MAP4K4: variants seen among roughly 807,000 people sequenced by gnomAD.
MAP4K4 encodes the protein HPK/GCK-like kinase HGK.
Under a neutral mutation model 189.6 loss-of-function variants are expected in MAP4K4, and 38 were observed. The observed-to-expected ratio is 0.20, with a 90% CI of 0.15 to 0.26. MAP4K4 has a LOEUF of 0.26. MAP4K4 is among the 10% of genes least tolerant of loss of function. The pLI, the probability that MAP4K4 is intolerant of heterozygous loss-of-function variation, is 1.00. For missense variants in MAP4K4, 1,054 were observed against 1,726.9 expected, an observed-to-expected ratio of 0.61 and a Z score of 6.91; for synonymous variants, 610 against 624.3, an observed-to-expected ratio of 0.98 and a Z score of 0.34.
intron 2 of MAP4K4, among the ~76,000 whole-genome samples, chr2:101,745,438 TAA>T (rs10678749): frequency 2.2e-4 from 20 of 91,662 alleles, no homozygotes; most frequent in Admixed American, 2.4e-4. Flanking sequence ...TGCCCCCAGG[TAA>T]AAAAAAAAAA....
At chr2:101,859,782 C>T (rs1293177076) in exon 15 of MAP4K4, 1 of 1,610,760 alleles carries the variant, frequency 6.2e-7, no homozygotes, top group East Asian at 2.2e-5. Context: ...CAGCCGCCAC[C>T]ACCGCAGCAG....
intron 2 of MAP4K4, among the ~76,000 whole-genome samples, chr2:101,785,687 T>TTTTCCTTTTTTGAGTTGGAGTCTTG (rs1558913270): frequency 0.13 from 264 of 1,996 alleles, 4 homozygotes; most frequent in South Asian, 0.34. Flanking sequence ...CCTCTCTCTC[T>TTTTCCTTTTTTGAGTTGGAGTCTTG]CTCTCTCTCT....
chr2:101,826,645 T>A (rs868323225), intron 5 of MAP4K4, among the ~76,000 whole-genome samples: 3 of 152,176 alleles, frequency 2.0e-5, no homozygotes, highest in Non-Finnish European at 4.4e-5. Flanking sequence ...AGAACATTGG[T>A]TGAGTGGTTG....
At chr2:101,781,773 G>A (rs970926012) in intron 2 of MAP4K4, among the ~76,000 whole-genome samples, 1 of 152,092 alleles carries the variant, frequency 6.6e-6, no homozygotes, top group Admixed American at 6.6e-5. Context: ...TCTCATGACC[G>A]GATTTCTTCT....
In MAP4K4 at chr2:101,831,701, C is replaced by A; in HGVS notation, c.509-20C>A. 1.3e-6 allele frequency: 2 copies of A among 1,578,182 alleles called. No homozygotes were observed. The highest frequency in any genetic ancestry group is 1.7e-6 in the Non-Finnish European group (2 of 1,160,750). On this transcript the variant is annotated intron_variant, in intron 6 of 32. Coordinates refer to ENST00000324219, the Ensembl canonical transcript of MAP4K4. ...AGTTGTGTTTATCTTTCTTTATCTG[C>A]CTTTTTCTTCCTCCCACAGTTGACT...
chr2:101,745,758 T>C (rs2065165752), intron 2 of MAP4K4, among the ~76,000 whole-genome samples: 1 of 152,178 alleles, frequency 6.6e-6, no homozygotes, highest in African/African-American at 2.4e-5. Context: ...TGGTTGTGCA[T>C]TACTAAATTA....
exon 16 of MAP4K4, chr2:101,860,871 A>C: frequency 6.2e-7 from 1 of 1,609,576 alleles, no homozygotes; most frequent in Non-Finnish European, 8.5e-7. Flanking sequence ...CCTGAAGCCC[A>C]GTCTAAGCAG....
intron 2 of MAP4K4, among the ~76,000 whole-genome samples, chr2:101,758,594 A>G (rs1240098539): frequency 6.6e-6 from 1 of 152,132 alleles, no homozygotes; most frequent in Non-Finnish European, 1.5e-5. Flanking sequence ...CCCAGAGTCT[A>G]CCGAGGGAGG....
At chr2:101,820,497 T>C (rs539299920) in intron 3 of MAP4K4, among the ~76,000 whole-genome samples, 35 of 152,362 alleles carry the variant, frequency 2.3e-4, no homozygotes, top group African/African-American at 7.0e-4. Flanking sequence ...TACTGACTTT[T>C]GGATAAAAGG....
chr2:101,891,312 C>T (rs1170388348), exon 33 of MAP4K4: 3 of 1,438,132 alleles, frequency 2.1e-6, no homozygotes, highest in East Asian at 2.3e-5. Context: ...ACTTGGAATT[C>T]CTTGTAACTG....
At chr2:101,788,659 A>T (rs2092211807) in intron 2 of MAP4K4, among the ~76,000 whole-genome samples, 1 of 152,168 alleles carries the variant, frequency 6.6e-6, no homozygotes, top group South Asian at 2.1e-4. Flanking sequence ...ATAATTGATT[A>T]GTTTTTAGTT....
intron 2 of MAP4K4, among the ~76,000 whole-genome samples, chr2:101,786,903 G>A (rs1448509436): frequency 6.6e-6 from 1 of 152,166 alleles, no homozygotes; most frequent in African/African-American, 2.4e-5. Context: ...TGTTTACGTG[G>A]TACTGTGTAA....
chr2:101,789,657 G>C (rs1002578443), intron 2 of MAP4K4, among the ~76,000 whole-genome samples: 22 of 152,192 alleles, frequency 1.4e-4, no homozygotes, highest in African/African-American at 4.8e-5. Context: ...AGAGGGACAG[G>C]CTTTTGGAAA....
intron 3 of MAP4K4, among the ~76,000 whole-genome samples, chr2:101,805,243 G>C (rs904617165): frequency 6.6e-6 from 1 of 151,974 alleles, no homozygotes; most frequent in Non-Finnish European, 1.5e-5. Flanking sequence ...CGGTACCCCA[G>C]GAGTGCCCTG....
chr2:101,889,339 C>CT (rs1323215976), intron 32 of MAP4K4, among the ~76,000 whole-genome samples: 1 of 152,106 alleles, frequency 6.6e-6, no homozygotes, highest in Non-Finnish European at 1.5e-5. Flanking sequence ...GAAGATGCCC[C>CT]TTGTTAGTCT....
chr2:101,873,782 A>G lies in MAP4K4; in HGVS notation c.3070+18A>G, dbSNP rs1336605084. 1 of 1,527,042 alleles carries G rather than the reference A, an allele frequency of 6.5e-7. No homozygotes were observed. Among genetic ancestry groups the G allele is most frequent in the Admixed American group, 1.7e-5 (1 of 58,854 alleles). 94.6% of individuals were successfully genotyped at this position (1,527,042 alleles called of 1,614,324 possible). A position where few individuals can be genotyped will look rare whatever the true frequency, so the allele number is the denominator to read the frequency against. On this transcript the variant is annotated intron_variant, in intron 25 of 32. Transcript: ENST00000324219. ...ATCTGTGGGTAAGTACAGTAGCAAC[A>G]AGAAAGCAGCTGACAAATGGGACTT...
chr2:101,888,706 G>A (rs934164986), intron 31 of MAP4K4, 90 bp from the exon 32 acceptor site: 3 of 932,914 alleles, frequency 3.2e-6, no homozygotes, highest in Non-Finnish European at 4.5e-6. Context: ...AGATTTAGAA[G>A]TATAAAAATA....
chr2:101,751,702 G>A (rs2069079080), intron 2 of MAP4K4, among the ~76,000 whole-genome samples: 1 of 152,180 alleles, frequency 6.6e-6, no homozygotes, highest in Non-Finnish European at 1.5e-5. Context: ...CTGTTAGGAG[G>A]TGCTGAAACT....
chr2:101,709,196 CTGTGA>C (rs914617270), intron 2 of MAP4K4, among the ~76,000 whole-genome samples: 102 of 152,246 alleles, frequency 6.7e-4, no homozygotes, highest in African/African-American at 2.4e-3. Flanking sequence ...TTAGTCATTA[CTGTGA>C]GTTTATTTAT....
Sources: allele counts gnomAD v4.1 joint callset (sites outside exome capture counted in the v4.1 genomes callset), GRCh38; gene constraint gnomAD v4.1.1; transcripts MANE v1.5; gene names NCBI Gene and HGNC (gene_info 2026-07-23, HGNC 2026-07-21).